The following DIP2C variants were observed in gnomAD, a reference collection of about 807,000 sequenced individuals.
The protein encoded by DIP2C is disco-interacting protein 2 homolog C.
In DIP2C, 33 loss-of-function variants were observed where a neutral mutation model predicts 192.4. That is an observed-to-expected ratio of 0.17 (90% CI 0.13 to 0.23). The LOEUF is 0.23. Ranked by LOEUF, DIP2C falls within the 10% of genes least tolerant of loss-of-function variation. DIP2C has a pLI of 1.00. For missense variants in DIP2C, 1,537 were observed against 2,110.1 expected (o/e 0.73, Z 5.32); for synonymous variants, 979 against 864.1 (o/e 1.13, Z -2.33).
At chr10:555,091 A>C (rs12049717) in intron 1 of DIP2C, among the ~76,000 whole-genome samples, 13,431 of 152,254 alleles carry the variant, frequency 0.088, 729 homozygotes, top group East Asian at 0.18. Flanking sequence ...TAATTCCAAC[A>C]AAGAAAAATA....
intron 1 of DIP2C, among the ~76,000 whole-genome samples, chr10:653,727 C>A (rs1423026080): frequency 1.3e-5 from 2 of 152,226 alleles, no homozygotes; most frequent in East Asian, 3.8e-4. Flanking sequence ...GAACAGACGG[C>A]CCACCAATTG....
intron 1 of DIP2C, among the ~76,000 whole-genome samples, chr10:527,052 C>T (rs1847095804): frequency 6.6e-6 from 1 of 152,202 alleles, no homozygotes; most frequent in African/African-American, 2.4e-5. Flanking sequence ...AGTGAGCCAC[C>T]ACACATTCAG....
intron 9 of DIP2C, among the ~76,000 whole-genome samples, chr10:399,656 G>A (rs1220280437): frequency 2.0e-5 from 3 of 152,314 alleles, no homozygotes; most frequent in East Asian, 1.9e-4. Context: ...TGGCCTCTCT[G>A]AGCCTTAGTG....
At chr10:481,657 T>C (rs1183752600) in intron 2 of DIP2C, among the ~76,000 whole-genome samples, 1 of 152,230 alleles carries the variant, frequency 6.6e-6, no homozygotes, top group East Asian at 1.9e-4. Context: ...AAAATAAAAC[T>C]GCAGCCCAGA....
At chr10:488,296 ACGGCCTGCTCCTTGCCG>A (rs1844165969) in intron 1 of DIP2C, among the ~76,000 whole-genome samples, 1 of 152,204 alleles carries the variant, frequency 6.6e-6, no homozygotes, top group African/African-American at 2.4e-5. Flanking sequence ...CTCTGTGCTC[ACGGCCTGCTCCTTGCCG>A]AGCTGCAAGG....
chr10:372,470 T>C (rs1469574033), intron 17 of DIP2C, among the ~76,000 whole-genome samples: 3 of 152,256 alleles, frequency 2.0e-5, no homozygotes, highest in Non-Finnish European at 4.4e-5. Flanking sequence ...GTGTTTGCTA[T>C]AGGAACTTTT....
chr10:503,553 T>G (rs1845396271), intron 1 of DIP2C, among the ~76,000 whole-genome samples: 1 of 152,226 alleles, frequency 6.6e-6, no homozygotes, highest in Non-Finnish European at 1.5e-5. Context: ...TCCTAGCCTC[T>G]TTCTCTGAGA....
intron 36 of DIP2C, among the ~76,000 whole-genome samples, chr10:280,526 C>CG (rs1954761452): frequency 6.6e-6 from 1 of 152,228 alleles, no homozygotes; most frequent in South Asian, 2.1e-4. Context: ...ACTTAACTTA[C>CG]GGCACTCCAG....
At chr10:570,215 AGGAAG>A (rs1849697981) in intron 1 of DIP2C, among the ~76,000 whole-genome samples, 1 of 152,196 alleles carries the variant, frequency 6.6e-6, no homozygotes, top group Non-Finnish European at 1.5e-5. Context: ...ATGACGTGTC[AGGAAG>A]GGAAGGAAGA....
At chr10:514,221 T>TCAAA (rs78254520) in intron 1 of DIP2C, among the ~76,000 whole-genome samples, 44,492 of 151,848 alleles carry the variant, frequency 0.29, 10,175 homozygotes, top group African/African-American at 0.64. Flanking sequence ...TGGGCTTTGC[T>TCAAA]CACTCTAGCC....
chr10:573,539 G>C (rs1024977121), intron 1 of DIP2C, among the ~76,000 whole-genome samples: 5 of 152,058 alleles, frequency 3.3e-5, no homozygotes, highest in Non-Finnish European at 7.4e-5. Context: ...CTCTAGAGTA[G>C]CTGGGACTAC....
intron 1 of DIP2C, among the ~76,000 whole-genome samples, chr10:608,141 AGCCCCC>A (rs1852656616): frequency 1.2e-5 from 1 of 84,854 alleles, no homozygotes; most frequent in Non-Finnish European, 2.0e-5. Flanking sequence ...ACACACACAC[AGCCCCC>A]CCACACACAC....
At chr10:335,373 A>G (rs1325660588) in intron 29 of DIP2C, among the ~76,000 whole-genome samples, 1 of 152,216 alleles carries the variant, frequency 6.6e-6, no homozygotes, top group Non-Finnish European at 1.5e-5. Flanking sequence ...TTTCCTCCAT[A>G]AACACCTAAG....
At chr10:441,285 G>A (rs1392237569) in intron 3 of DIP2C, 1 of 335,886 alleles carries the variant, frequency 3.0e-6, no homozygotes, top group Non-Finnish European at 5.5e-6. Context: ...CTTGATCTTT[G>A]GAGATCTCTT....
intron 35 of DIP2C, among the ~76,000 whole-genome samples, chr10:281,673 G>A (rs1035842533): frequency 1.4e-4 from 22 of 152,344 alleles, no homozygotes; most frequent in African/African-American, 3.1e-4. Context: ...TCTGAGTTCC[G>A]TGGACCCATC....
chr10:423,093 A>C (rs1966318890), intron 4 of DIP2C, 60 bp from the exon 5 acceptor site: 4 of 1,455,558 alleles, frequency 2.7e-6, no homozygotes, highest in Non-Finnish European at 3.7e-6. Flanking sequence ...CCACAATCTC[A>C]GTCCCTCGCC....
rs568429274 is a variant in DIP2C, at chr10:582,456, G to A, written c.86-95926C>T. ...AAGTTAGCCAGGCATGCTGGTGCGC[G>A]CCTGAGGTCCCAGCTACTTGGGGGA... On this transcript the variant is annotated intron_variant, in intron 1 of 36. Transcript: ENST00000280886. 2.0e-4 allele frequency among the ~76,000 whole-genome samples: 31 copies of A among 152,328 alleles called. No homozygotes were observed. The South Asian group carries it at 2.1e-3, about 10-fold the overall frequency.
chr10:657,960 CCTGGACCTGCCG>C (rs1564314841), intron 1 of DIP2C, among the ~76,000 whole-genome samples: 22 of 138,470 alleles, frequency 1.6e-4, no homozygotes, highest in South Asian at 9.4e-4. Context: ...TGGACCTGTC[CCTGGACCTGCCG>C]CTGGACCTGC....
intron 1 of DIP2C, among the ~76,000 whole-genome samples, chr10:508,402 T>C (rs1284550183): frequency 6.6e-6 from 1 of 152,150 alleles, no homozygotes; most frequent in Non-Finnish European, 1.5e-5. Context: ...GCCCCCATCC[T>C]CGATTTCCTG....
Sources: allele counts gnomAD v4.1 joint callset (sites outside exome capture counted in the v4.1 genomes callset), GRCh38; gene constraint gnomAD v4.1.1; transcripts MANE v1.5; gene names NCBI Gene and HGNC (gene_info 2026-07-23, HGNC 2026-07-21).